The following CA5B variants were observed in gnomAD, a reference collection of about 807,000 sequenced individuals.
CA5B encodes the protein carbonic anhydrase 5B, mitochondrial.
CA5B carries 15 observed loss-of-function variants against 23.1 expected under a neutral mutation model. That is an observed-to-expected ratio of 0.65 (90% CI 0.43 to 1.00). CA5B has a LOEUF of 1.00. Ranked by LOEUF, CA5B falls within the 50% of genes least tolerant of loss-of-function variation. The pLI, the probability that CA5B is intolerant of heterozygous loss-of-function variation, is 0.00. For synonymous variants in CA5B, 84 were observed against 98.5 expected, an observed-to-expected ratio of 0.85 and a Z score of 0.87; for missense variants, 236 against 252.2, an observed-to-expected ratio of 0.94 and a Z score of 0.43.
chrX:15,771,500 C>T (rs1286004443), intron 3 of CA5B, among the ~76,000 whole-genome samples: 1 of 110,013 alleles, frequency 9.1e-6, no homozygotes, highest in Non-Finnish European at 1.9e-5. Context: ...GATCTCAGCT[C>T]ACCGCAACCT....
intron 7 of CA5B, among the ~76,000 whole-genome samples, chrX:15,778,719 G>A (rs903725893): frequency 1.8e-5 from 2 of 111,404 alleles, no homozygotes; most frequent in African/African-American, 6.5e-5. Flanking sequence ...GAAGGCAAAA[G>A]GGAAGCAAGG....
At chrX:15,756,496 G>C (rs1040715918) in intron 2 of CA5B, among the ~76,000 whole-genome samples, 1 of 112,696 alleles carries the variant, frequency 8.9e-6, no homozygotes, top group Non-Finnish European at 1.9e-5. Context: ...AATTCAGTGT[G>C]TGTTCAGAAA....
chrX:15,786,444 T>C lies in CA5B; in HGVS notation c.*3780T>C, dbSNP rs768930282. On this transcript the variant is annotated 3_prime_UTR_variant, in exon 8 of 8. Coordinates refer to ENST00000318636, the MANE Select transcript of CA5B (RefSeq NM_007220.4). ...GGGCACAGCAGATTTCCCTGGCTAC[T>C]GATACACCTTAACAAGAAGCTTGTG... The C allele has an allele frequency of 1.8e-5, 2 of 111,312 alleles. No individual in the cohort carries two copies. Among genetic ancestry groups the C allele is most frequent in the South Asian group, 7.7e-4 (2 of 2,595 alleles). 9.2% of individuals were successfully genotyped at this position (111,312 alleles called of 1,213,427 possible).
chrX:15,776,846 C>G lies in CA5B; in HGVS notation c.751C>G (p.Pro251Ala), dbSNP rs1931942271. ...TGTCACCTGGATCATTAAGAAGCAA[C>G]CAGTAGAGGTTGATCATGATCAGGT... The part of the protein sequence containing the change: ...ESVTWIIKKQ[P>A]VEVDHDQLEQ... Residue 251 changes from proline (P) to alanine (A), a missense_variant, in exon 7 of 8, where the codon CCA becomes GCA. By Grantham distance (27) the Pro-to-Ala change is conservative (BLOSUM62 -1). This residue lies in a region of CA5B where 170 missense variants were observed against 162.0 expected (regional missense o/e 1.05). Coordinates refer to ENST00000318636, the MANE Select transcript of CA5B (RefSeq NM_007220.4). 4 of 1,209,547 alleles carry G rather than the reference C, an allele frequency of 3.3e-6. No individual in the cohort carries two copies. The South Asian group carries it at 5.3e-5, about 16-fold the overall frequency.
chrX:15,766,890 C>T (rs1241177984), intron 3 of CA5B: 1 of 326,727 alleles, frequency 3.1e-6, no homozygotes, highest in African/African-American at 2.7e-5. Context: ...ATGCATCTTT[C>T]TTAATTTCCC....
intron 7 of CA5B, among the ~76,000 whole-genome samples, chrX:15,781,745 T>C (rs1234559513): frequency 9.0e-6 from 1 of 110,534 alleles, no homozygotes; most frequent in Non-Finnish European, 1.9e-5. Context: ...CAAGACCCTG[T>C]CTCTACAAAA....
chrX:15,747,824 T>TCA (rs1409102216), intron 1 of CA5B, among the ~76,000 whole-genome samples: 1 of 111,132 alleles, frequency 9.0e-6, no homozygotes, highest in Non-Finnish European at 1.9e-5. Context: ...GTTCGGTGTC[T>TCA]CACACGGAGA....
chrX:15,743,107 A>G (rs926382617), intron 1 of CA5B, among the ~76,000 whole-genome samples: 1 of 112,462 alleles, frequency 8.9e-6, no homozygotes, highest in African/African-American at 3.2e-5. Context: ...TACTCCTGCC[A>G]TATTGGCCTC....
intron 3 of CA5B, among the ~76,000 whole-genome samples, chrX:15,770,237 C>T (rs918788042): frequency 1.8e-5 from 2 of 110,766 alleles, no homozygotes; most frequent in African/African-American, 6.6e-5. Context: ...TCACTTGAAC[C>T]TGGGAGTTGG....
Position 15,782,925 on chromosome X carries a change from C to A in CA5B, c.*261C>A. ...ACTAGGTCTTGCTCTGCTGCCCAGG[C>A]TAGAGTGCAGTGGCCAAATGATAGC... On this transcript the variant is annotated 3_prime_UTR_variant, in exon 8 of 8. Transcript: ENST00000318636. 3.8e-6 allele frequency: 1 copy of A among 266,487 alleles called. No individual in the cohort carries two copies. The highest frequency in any genetic ancestry group is 6.6e-6 in the Non-Finnish European group (1 of 151,732). The allele number at this position is 266,487 out of a possible 1,213,427, so 22.0% of individuals were successfully genotyped here. A position where few individuals can be genotyped will look rare whatever the true frequency, so the allele number is the denominator to read the frequency against.
intron 2 of CA5B, among the ~76,000 whole-genome samples, chrX:15,757,724 C>A (rs767418086): frequency 1.4e-3 from 143 of 105,533 alleles, no homozygotes; most frequent in African/African-American, 4.2e-3. Flanking sequence ...AAAAAAAAAA[C>A]CCCAAAGTAG....
intron 2 of CA5B, among the ~76,000 whole-genome samples, chrX:15,758,749 C>T (rs976925468): frequency 9.0e-6 from 1 of 111,599 alleles, no homozygotes; most frequent in Admixed American, 9.5e-5. Flanking sequence ...CTCAATTGAT[C>T]TGCCCACCTT....
rs1931285327 is a variant in CA5B, at chrX:15,748,557, C to A, written c.-53-1414C>A. ...TGCATTTTGACATACATGCTCCGTT[C>A]AAAAATGTATATACACAAACACACA... On this transcript the variant is annotated intron_variant, in intron 1 of 7. Transcript: ENST00000318636. Among the ~76,000 whole-genome samples the A allele has an allele frequency of 2.7e-5, 3 of 111,135 alleles. No individual in the cohort carries two copies. In the Admixed American group the frequency reaches 2.9e-4, roughly 11 times the overall value.
intron 2 of CA5B, among the ~76,000 whole-genome samples, chrX:15,751,539 CTT>C (rs397895591): frequency 7.2e-5 from 7 of 97,756 alleles, no homozygotes; most frequent in Non-Finnish European, 2.1e-5. Flanking sequence ...AATAGTTTTG[CTT>C]TTTTTTTTTT....
intron 2 of CA5B, among the ~76,000 whole-genome samples, chrX:15,756,013 TTAGAC>T (rs1225541198): frequency 8.9e-6 from 1 of 111,878 alleles, no homozygotes; most frequent in African/African-American, 3.3e-5. Context: ...ACATCTCAAT[TTAGAC>T]TAGCACACAG....
At chrX:15,767,682 G>A (rs1931737103) in intron 3 of CA5B, among the ~76,000 whole-genome samples, 2 of 110,043 alleles carry the variant, frequency 1.8e-5, no homozygotes, top group South Asian at 3.9e-4. Context: ...TCTGCCTCCC[G>A]GGCTCAAGTG....
At chrX:15,777,642 C>A (rs1931955793) in intron 7 of CA5B, among the ~76,000 whole-genome samples, 1 of 111,906 alleles carries the variant, frequency 8.9e-6, no homozygotes, top group African/African-American at 3.2e-5. Flanking sequence ...AGCTTTTACT[C>A]CAGTAATACA....
At chrX:15,769,319 C>A in intron 3 of CA5B, 1 of 148,749 alleles carries the variant, frequency 6.7e-6, no homozygotes, top group Non-Finnish European at 1.2e-5. Context: ...ATACCGCAGT[C>A]CTCTCCTGGG....
rs902427217 is a variant in CA5B at position 15,774,512 on chromosome X, A to G, written c.555+115A>G. On this transcript the variant is annotated intron_variant, in intron 5 of 7. Coordinates refer to ENST00000318636, the MANE Select transcript of CA5B (RefSeq NM_007220.4). ...TGGGATCCATACATTGGTAAGATAA[A>G]TAGTGCTTGAAGTACAGGATTGTTA... is the stretch of plus-strand genomic sequence containing the variant. The G allele has an allele frequency of 2.7e-5, 25 of 910,314 alleles. No homozygotes were observed. The African/African-American group carries it at 4.0e-4, about 14-fold the overall frequency. The allele number at this position is 910,314 out of a possible 1,213,427, so 75.0% of individuals were successfully genotyped here. A position where few individuals can be genotyped will look rare whatever the true frequency, so the allele number is the denominator to read the frequency against.
Sources: gnomAD v4.1 joint callset for allele counts (sites outside exome capture counted in the v4.1 genomes callset) on GRCh38, gnomAD v4.1.1 for gene constraint, gnomAD v4.1.1 regional missense constraint, MANE v1.5 for transcripts, NCBI Gene and HGNC (gene_info 2026-07-23, HGNC 2026-07-21) for gene names.